DMD: variants seen among roughly 807,000 people sequenced by gnomAD.
The protein encoded by DMD is dystrophin.
A neutral mutation model predicts 330.1 loss-of-function variants in DMD; 63 were observed. The ratio of observed to expected loss-of-function variants is 0.19; its 90% CI spans 0.16 to 0.24. The LOEUF is 0.24. Among genes scored for constraint, DMD ranks in the 10% least tolerant of loss-of-function variants. The probability of loss-of-function intolerance (pLI) is 1.00; values close to 1 mark genes in which losing one functional copy is unlikely to be tolerated. For missense variants in DMD, 3,344 were observed against 2,684.1 expected (o/e 1.25, Z -5.43); for synonymous variants, 1,223 against 959.8 (o/e 1.27, Z -5.07).
chrX:32,361,456 GGA>G (rs1172845098), intron 37 of DMD, among the ~76,000 whole-genome samples: 1 of 111,336 alleles, frequency 9.0e-6, no homozygotes, highest in African/African-American at 3.3e-5. Context: ...CTCTATGTAT[GGA>G]GAGAGAGAGT....
intron 1 of DMD, among the ~76,000 whole-genome samples, chrX:33,104,203 G>A (rs1365727602): frequency 1.8e-5 from 2 of 111,819 alleles, no homozygotes; most frequent in African/African-American, 3.2e-5. Flanking sequence ...CCACTTAAAT[G>A]TTTGTTTCTT....
Position 32,819,005 on chromosome X carries a change from GTTTTT to G in DMD, c.358-2370_358-2366del, listed in dbSNP as rs55923814. 2.9e-3 allele frequency among the ~76,000 whole-genome samples: 200 copies of G among 69,833 alleles called. 1 individual carries two copies. Among genetic ancestry groups the G allele is most frequent in the African/African-American group, 0.011 (186 of 17,113 alleles). 60.6% of individuals were successfully genotyped at this position (69,833 alleles called of 115,157 possible). A position where few individuals can be genotyped will look rare whatever the true frequency, so the allele number is the denominator to read the frequency against. On this transcript the variant is annotated intron_variant, in intron 5 of 78. Transcript: ENST00000357033. ...CTGTCACCTCTGCCCTTCTACAGGT[GTTTTT>G]TTTTTTTTTTTTTTTTCCAGGGCAT... is the stretch of plus-strand genomic sequence containing the variant.
At chrX:32,363,828 A>T (rs1416811108) in intron 36 of DMD, among the ~76,000 whole-genome samples, 1 of 112,253 alleles carries the variant, frequency 8.9e-6, no homozygotes, top group African/African-American at 3.2e-5. Context: ...CTAATCAATA[A>T]ATTTATCAAA....
intron 55 of DMD, among the ~76,000 whole-genome samples, chrX:31,512,650 T>C (rs1291610526): frequency 9.0e-6 from 1 of 110,715 alleles, no homozygotes; most frequent in African/African-American, 3.3e-5. Context: ...GTTGTAGATA[T>C]GCGGCATTAT....
chrX:32,779,766 T>C (rs1289777752), intron 7 of DMD, among the ~76,000 whole-genome samples: 2 of 105,035 alleles, frequency 1.9e-5, no homozygotes, highest in Non-Finnish European at 3.9e-5. Flanking sequence ...ATACCTAATG[T>C]TAAATGACGA....
At chrX:31,905,599 C>T (rs191927916) in intron 47 of DMD, among the ~76,000 whole-genome samples, 1 of 105,500 alleles carries the variant, frequency 9.5e-6, no homozygotes, top group African/African-American at 3.5e-5. Flanking sequence ...TAAAAGAGAA[C>T]AGAAATTAAA....
At chrX:31,898,446 G>A (rs1247289357) in intron 47 of DMD, among the ~76,000 whole-genome samples, 6 of 110,505 alleles carry the variant, frequency 5.4e-5, no homozygotes, top group African/African-American at 1.6e-4. Flanking sequence ...ACAGAACAGA[G>A]CCCTCAGAAG....
chrX:32,244,083 C>A lies in DMD; in HGVS notation c.6291-27020G>T, dbSNP rs1336590239. Among the ~76,000 whole-genome samples the A allele has an allele frequency of 1.9e-3, 183 of 95,202 alleles. 1 individual carries two copies. Among genetic ancestry groups the A allele is most frequent in the Non-Finnish European group, 3.2e-3 (153 of 47,533 alleles). The allele number at this position is 95,202 out of a possible 115,157, so 82.7% of individuals were successfully genotyped here. A position where few individuals can be genotyped will look rare whatever the true frequency, so the allele number is the denominator to read the frequency against. ...ACTCGTCATCTAGCATTAGGTATAT[C>A]TCCCAATGCTATCCCTCCCCCCTCC... On this transcript the variant is annotated intron_variant, in intron 43 of 78. Transcript: ENST00000357033.
intron 67 of DMD, among the ~76,000 whole-genome samples, chrX:31,183,911 C>A (rs767653034): frequency 4.5e-4 from 44 of 97,134 alleles, no homozygotes; most frequent in Non-Finnish European, 8.1e-4. Context: ...TCATTAAATA[C>A]AATTTTTTTT....
intron 44 of DMD, among the ~76,000 whole-genome samples, chrX:31,970,941 AGT>A (rs915073469): frequency 9.0e-6 from 1 of 111,465 alleles, no homozygotes; most frequent in Non-Finnish European, 1.9e-5. Context: ...TTCCTTCAAG[AGT>A]GTCCAATACT....
chrX:32,183,571 A>ATATATATATATATATATATATAT (rs2096934749), intron 44 of DMD, among the ~76,000 whole-genome samples: 1 of 95,128 alleles, frequency 1.1e-5, no homozygotes, highest in African/African-American at 3.7e-5. Flanking sequence ...TATATATATA[A>ATATATATATATATATATATATAT]ATATATATAT....
rs2075514653 is a variant in DMD, at chrX:31,567,198, T to A, written c.8218-59745A>T. 2.7e-5 allele frequency among the ~76,000 whole-genome samples: 3 copies of A among 111,943 alleles called. No homozygotes were observed. In the South Asian group the frequency reaches 1.1e-3, roughly 41 times the overall value. ...TTTATTTTATACTTTTCAATATGCATGCTTTATTGTTTTTCCTTGCTTTAT... is the reference window on the plus strand; with the variant it reads ...TTTATTTTATACTTTTCAATATGCAAGCTTTATTGTTTTTCCTTGCTTTAT... On this transcript the variant is annotated intron_variant, in intron 55 of 78. Transcript: ENST00000357033.
chrX:33,302,863 T>C (rs1213347889), intron 1 of DMD, among the ~76,000 whole-genome samples: 1 of 111,742 alleles, frequency 8.9e-6, no homozygotes, highest in Non-Finnish European at 1.9e-5. Flanking sequence ...TAATGAAATG[T>C]ATTCACAATT....
intron 60 of DMD, among the ~76,000 whole-genome samples, chrX:31,422,041 ATATT>A (rs2063464827): frequency 1.1e-3 from 12 of 10,913 alleles, no homozygotes; most frequent in African/African-American, 1.7e-3. Flanking sequence ...ATATATATAT[ATATT>A]TTTTTTTTTC....
intron 44 of DMD, among the ~76,000 whole-genome samples, chrX:32,169,307 CAAGAT>C (rs1424415881): frequency 9.0e-6 from 1 of 111,470 alleles, no homozygotes; most frequent in Non-Finnish European, 1.9e-5. Flanking sequence ...ATTGCCTAGA[CAAGAT>C]AAGTTAACTG....
At chrX:31,326,545 T>C (rs1374230329) in intron 61 of DMD, among the ~76,000 whole-genome samples, 1 of 108,024 alleles carries the variant, frequency 9.3e-6, no homozygotes, top group Admixed American at 9.9e-5. Flanking sequence ...TTGCAGTCAT[T>C]GTTTGAAACC....
intron 29 of DMD, among the ~76,000 whole-genome samples, chrX:32,429,881 G>A (rs1411049141): frequency 9.0e-6 from 1 of 110,922 alleles, no homozygotes; most frequent in African/African-American, 3.3e-5. Context: ...AATGCCTTTT[G>A]TATTTAAAAG....
At chrX:32,951,566 G>A (rs34950286) in intron 2 of DMD, among the ~76,000 whole-genome samples, 22,660 of 110,194 alleles carry the variant, frequency 0.21, 1,803 homozygotes, top group East Asian at 0.38. Flanking sequence ...TTACTTGACA[G>A]TCAGTAGAAA....
At chrX:31,662,013 G>A (rs755624200) in intron 53 of DMD, among the ~76,000 whole-genome samples, 1 of 111,259 alleles carries the variant, frequency 9.0e-6, no homozygotes, top group South Asian at 3.8e-4. Flanking sequence ...TAGTGATATT[G>A]ACCCTACATG....
Sources: gnomAD v4.1 joint callset for allele counts (sites outside exome capture counted in the v4.1 genomes callset) on GRCh38, gnomAD v4.1.1 for gene constraint, MANE v1.5 for transcripts, NCBI Gene and HGNC (gene_info 2026-07-23, HGNC 2026-07-21) for gene names.